Variants in PODXL observed in about 807,000 individuals in gnomAD.
The protein encoded by PODXL is podocalyxin.
PODXL carries 20 observed loss-of-function variants against 48.9 expected under a neutral mutation model. That is an observed-to-expected ratio of 0.41 (90% CI 0.29 to 0.59). The LOEUF is 0.59. Ranked by LOEUF, PODXL falls within the 20% of genes least tolerant of loss-of-function variation. The pLI is 0.31. For synonymous variants in PODXL, 295 were observed against 287.4 expected (o/e 1.03, Z -0.27); for missense variants, 606 against 675.1 (o/e 0.90, Z 1.13).
chr7:131,536,833 A>C (rs1369803920), intron 1 of PODXL, among the ~76,000 whole-genome samples: 1 of 152,206 alleles, frequency 6.6e-6, no homozygotes, highest in Non-Finnish European at 1.5e-5. Context: ...GCATTTAAAA[A>C]ATGGCACGTG....
chr7:131,556,240 A>G lies in PODXL; in HGVS notation c.100+20T>C, dbSNP rs1009032908. On this transcript the variant is annotated intron_variant, in intron 1 of 8. Coordinates refer to ENST00000378555, the MANE Select transcript of PODXL (RefSeq NM_001018111.3). ...ATGGGCACGGTGGGAGTCCCGGCGG[A>G]ACCCAGGCCGGCCACTCACCATTCT... The G allele has an allele frequency of 4.1e-6, 6 of 1,463,244 alleles. No homozygotes were observed. Among genetic ancestry groups the G allele is most frequent in the Non-Finnish European group, 4.5e-6 (5 of 1,110,796 alleles). 90.6% of individuals were successfully genotyped at this position (1,463,244 alleles called of 1,614,324 possible).
Position 131,511,152 on chromosome 7 carries a change from T to A in PODXL, c.382A>T (p.Ser128Cys), listed in dbSNP as rs761250337. ...GTTGCAACTGTAGTGGTGTCTGCACTTTTTGTGCTCTTGGGGCTCTCGATG... is the reference window on the plus strand; with the variant it reads ...GTTGCAACTGTAGTGGTGTCTGCACATTTTGTGCTCTTGGGGCTCTCGATG... The part of the protein sequence containing the change: ...TTIESPKSTK[S>C]ADTTTVATST... Residue 128 changes from serine to cysteine, a missense_variant, in exon 2 of 9, where the codon AGT becomes TGT. Physicochemically the swap from Ser to Cys is moderately radical, Grantham distance 112. Coordinates refer to ENST00000378555, the MANE Select transcript of PODXL (RefSeq NM_001018111.3). The A allele has an allele frequency of 1.2e-6, 2 of 1,614,042 alleles. No homozygotes were observed. The highest frequency in any genetic ancestry group is 1.7e-6 in the Non-Finnish European group (2 of 1,180,010).
chr7:131,551,291 G>T (rs1487832199), intron 1 of PODXL, among the ~76,000 whole-genome samples: 1 of 152,106 alleles, frequency 6.6e-6, no homozygotes, highest in African/African-American at 2.4e-5. Context: ...CCTGGGTCCG[G>T]GACAGGAAAC....
At chr7:131,544,903 TGTTTATCCA>T (rs1478257807) in intron 1 of PODXL, among the ~76,000 whole-genome samples, 3 of 152,186 alleles carry the variant, frequency 2.0e-5, no homozygotes, top group African/African-American at 7.2e-5. Flanking sequence ...CAGCAGGCCC[TGTTTATCCA>T]GAACTGTCTG....
In PODXL at chr7:131,546,166, C is replaced by T. The variant is rs531714610; in HGVS notation, c.100+10094G>A. ...CATCGTGTCACTGCCTGCTTCACTGCCTGGCTCGATGGCATCAAGAGGAAT... is the reference window on the plus strand; with the variant it reads ...CATCGTGTCACTGCCTGCTTCACTGTCTGGCTCGATGGCATCAAGAGGAAT... On this transcript the variant is annotated intron_variant, in intron 1 of 8. Coordinates refer to ENST00000378555, the MANE Select transcript of PODXL (RefSeq NM_001018111.3). 4.6e-5 allele frequency among the ~76,000 whole-genome samples: 7 copies of T among 152,166 alleles called. No individual in the cohort carries two copies. The East Asian group carries it at 1.3e-3, about 29-fold the overall frequency.
intron 1 of PODXL, among the ~76,000 whole-genome samples, chr7:131,535,016 C>T (rs566079643): frequency 2.0e-5 from 3 of 152,194 alleles, no homozygotes; most frequent in African/African-American, 7.2e-5. Flanking sequence ...CGGGCCACTG[C>T]ACTCCAGCCG....
intron 1 of PODXL, among the ~76,000 whole-genome samples, chr7:131,514,589 T>C (rs1357501939): frequency 6.6e-6 from 1 of 151,888 alleles, no homozygotes; most frequent in Non-Finnish European, 1.5e-5. Context: ...AATTAAGAAA[T>C]TGGTGGGATG....
chr7:131,530,817 G>A (rs1008339990), intron 1 of PODXL, among the ~76,000 whole-genome samples: 2 of 150,396 alleles, frequency 1.3e-5, no homozygotes, highest in East Asian at 3.9e-4. Context: ...CCCAGCACTC[G>A]GGAGGCCAAG....
chr7:131,519,978 G>A (rs1165263905), intron 1 of PODXL, among the ~76,000 whole-genome samples: 1 of 152,126 alleles, frequency 6.6e-6, no homozygotes, highest in African/African-American at 2.4e-5. Context: ...ATCTGCCTCA[G>A]TCTCCCAAAG....
chr7:131,548,142 C>T (rs74854362), intron 1 of PODXL, among the ~76,000 whole-genome samples: 26,664 of 152,210 alleles, frequency 0.18, 2,487 homozygotes, highest in South Asian at 0.24. Flanking sequence ...AGCCACATAA[C>T]TGGAGGACTA....
intron 1 of PODXL, among the ~76,000 whole-genome samples, chr7:131,543,306 T>A (rs1562917287): frequency 1.3e-5 from 2 of 151,978 alleles, no homozygotes; most frequent in African/African-American, 4.8e-5. Context: ...TTAAACTGTA[T>A]GTAGAGATAG....
chr7:131,539,758 T>A (rs1369099701), intron 1 of PODXL, among the ~76,000 whole-genome samples: 1 of 152,216 alleles, frequency 6.6e-6, no homozygotes, highest in East Asian at 1.9e-4. Flanking sequence ...GACAGGAACG[T>A]CCGTGCCCAG....
Position 131,512,994 on chromosome 7 carries a change from CA to C in PODXL, c.101-1562del, listed in dbSNP as rs60701480. On this transcript the variant is annotated intron_variant, in intron 1 of 8. Coordinates refer to ENST00000378555, the MANE Select transcript of PODXL (RefSeq NM_001018111.3). Reference sequence around the variant, plus strand: ...TGGGCGACTGAGCAAGACTCCGTCTCAAAAAAAAAAAAAAAAAAAATCACAT... The same window carrying C: ...TGGGCGACTGAGCAAGACTCCGTCTCAAAAAAAAAAAAAAAAAAATCACAT... Among the ~76,000 whole-genome samples the C allele has an allele frequency of 1.6e-3, 154 of 95,788 alleles. 1 individual carries two copies. The highest frequency in any genetic ancestry group is 6.9e-3 in the East Asian group (24 of 3,456). The allele number at this position is 95,788 out of a possible 152,430, so 62.8% of individuals were successfully genotyped here.
At chr7:131,507,735 G>A (rs1003102531) in intron 5 of PODXL, among the ~76,000 whole-genome samples, 9 of 151,838 alleles carry the variant, frequency 5.9e-5, no homozygotes, top group East Asian at 1.9e-4. Context: ...AAGAGGGTCT[G>A]AGGAAGGGCT....
intron 1 of PODXL, among the ~76,000 whole-genome samples, chr7:131,537,610 C>T (rs1036724552): frequency 4.0e-5 from 2 of 49,692 alleles, no homozygotes; most frequent in Admixed American, 3.2e-4. Context: ...CCCACCCCCC[C>T]AAAAAGGTGC....
At chr7:131,555,789 G>A (rs564038995) in intron 1 of PODXL, among the ~76,000 whole-genome samples, 64 of 152,330 alleles carry the variant, frequency 4.2e-4, no homozygotes, top group African/African-American at 1.3e-3. Flanking sequence ...GCCGTGGCTG[G>A]AGGCTTGTCA....
At chr7:131,537,891 G>T (rs1379109122) in intron 1 of PODXL, among the ~76,000 whole-genome samples, 1 of 152,152 alleles carries the variant, frequency 6.6e-6, no homozygotes, top group Non-Finnish European at 1.5e-5. Flanking sequence ...GTGGTGTGCG[G>T]TCGCAGACTG....
intron 1 of PODXL, among the ~76,000 whole-genome samples, chr7:131,554,383 C>T (rs2116877340): frequency 6.6e-6 from 1 of 152,326 alleles, no homozygotes; most frequent in African/African-American, 2.4e-5. Context: ...CCCAACAGTG[C>T]TGCATACTAT....
At chr7:131,537,126 T>A (rs575022746) in intron 1 of PODXL, among the ~76,000 whole-genome samples, 2 of 151,668 alleles carry the variant, frequency 1.3e-5, no homozygotes, top group Non-Finnish European at 2.9e-5. Context: ...ACCCTGTATA[T>A]ATGTATGTAT....
Sources: gnomAD v4.1 joint callset for allele counts (sites outside exome capture counted in the v4.1 genomes callset) on GRCh38, gnomAD v4.1.1 for gene constraint, MANE v1.5 for transcripts, NCBI Gene and HGNC (gene_info 2026-07-23, HGNC 2026-07-21) for gene names.